Variants in ZNF536 observed in about 807,000 individuals in gnomAD.
ZNF536 encodes zinc finger protein 536.
A neutral mutation model predicts 84.5 loss-of-function variants in ZNF536; 13 were observed. The observed-to-expected ratio is 0.15, with a 90% confidence interval of 0.10 to 0.24. ZNF536 has a LOEUF of 0.24. Among genes scored for constraint, ZNF536 ranks in the 10% least tolerant of loss-of-function variants. ZNF536 has a pLI of 1.00. For synonymous variants in ZNF536, 811 were observed against 742.5 expected (o/e 1.09, Z -1.50); for missense variants, 1,536 against 1,747.5 (o/e 0.88, Z 2.16).
intron 1 of ZNF536, among the ~76,000 whole-genome samples, chr19:30,614,473 A>C (rs1309576604): frequency 7.9e-5 from 12 of 151,914 alleles, no homozygotes; most frequent in Admixed American, 7.9e-4. Context: ...GGGGAGAGAG[A>C]GAGAGAGAGA....
At chr19:30,379,705 A>C (rs1182431240) in intron 1 of ZNF536, among the ~76,000 whole-genome samples, 1 of 151,688 alleles carries the variant, frequency 6.6e-6, no homozygotes, top group African/African-American at 2.4e-5. Flanking sequence ...GGGGTGGTGC[A>C]GGGTGGATGA....
At chr19:30,631,308 C>T (rs1031717515) in intron 1 of ZNF536, among the ~76,000 whole-genome samples, 4 of 152,282 alleles carry the variant, frequency 2.6e-5, no homozygotes, top group Middle Eastern at 3.4e-3. Flanking sequence ...CTCTTTGTGT[C>T]GGGGAGAACA....
intron 1 of ZNF536, among the ~76,000 whole-genome samples, chr19:30,609,316 G>T (rs953497060): frequency 6.6e-6 from 1 of 152,118 alleles, no homozygotes; most frequent in Non-Finnish European, 1.5e-5. Context: ...CCACAAAATA[G>T]CTCTTGTCTA....
Position 30,444,938 on chromosome 19 carries a change from C to A in ZNF536, c.1376C>A (p.Pro459His), listed in dbSNP as rs745542323. Residue 459 changes from proline (P) to histidine (H), a missense_variant, in exon 2 of 5, where the codon CCC becomes CAC. Physicochemically the swap from Pro to His is moderately conservative, Grantham distance 77. This residue lies in a region of ZNF536 where 366 missense variants were observed against 364.4 expected (regional missense o/e 1.00). Coordinates refer to ENST00000355537, the MANE Select transcript of ZNF536 (RefSeq NM_014717.3). ...CAGCTCTATGGCAAGGGCGAGCTGC[C>A]CATGAAGGAGAAGGAAGCGCTGGGG... Reference protein sequence around the residue: ...PSQLYGKGELPMKEKEALGKL... With the variant: ...PSQLYGKGELHMKEKEALGKL... The A allele has an allele frequency of 1.2e-6, 2 of 1,611,666 alleles. No homozygotes were observed. The highest frequency in any genetic ancestry group is 1.7e-6 in the Non-Finnish European group (2 of 1,179,080).
chr19:30,242,325 G>T (rs995090760), intron 1 of ZNF536, among the ~76,000 whole-genome samples: 2 of 152,180 alleles, frequency 1.3e-5, no homozygotes, highest in African/African-American at 2.4e-5. Flanking sequence ...TCACAAGGGA[G>T]TCTGTGATGC....
intron 2 of ZNF536, among the ~76,000 whole-genome samples, chr19:30,490,933 AG>A (rs891430556): frequency 2.0e-5 from 3 of 152,108 alleles, no homozygotes; most frequent in Non-Finnish European, 4.4e-5. Flanking sequence ...AGCTGTCTTT[AG>A]GGGCGTTGAG....
At chr19:30,650,135 T>G (rs186665976) in intron 1 of ZNF536, among the ~76,000 whole-genome samples, 2 of 152,222 alleles carry the variant, frequency 1.3e-5, no homozygotes, top group Admixed American at 1.3e-4. Flanking sequence ...AATTATCTCA[T>G]AGCAAATTAA....
At chr19:30,246,503 C>G (rs1230195699) in intron 1 of ZNF536, among the ~76,000 whole-genome samples, 1 of 152,196 alleles carries the variant, frequency 6.6e-6, no homozygotes, top group Non-Finnish European at 1.5e-5. Flanking sequence ...AAGTAGACTG[C>G]AAGCTTCCTG....
intron 2 of ZNF536, among the ~76,000 whole-genome samples, chr19:30,454,551 T>C (rs1267597760): frequency 6.6e-6 from 1 of 152,250 alleles, no homozygotes; most frequent in Non-Finnish European, 1.5e-5. Flanking sequence ...AAATATGTGT[T>C]TTTATTTTCG....
intron 1 of ZNF536, among the ~76,000 whole-genome samples, chr19:30,432,315 G>T (rs185259687): frequency 6.6e-6 from 1 of 152,118 alleles, no homozygotes; most frequent in Non-Finnish European, 1.5e-5. Context: ...GGACCAGGGG[G>T]CTTGGAGGAC....
chr19:30,692,847 A>G (rs1025799130), intron 1 of ZNF536, among the ~76,000 whole-genome samples: 5 of 152,188 alleles, frequency 3.3e-5, no homozygotes, highest in African/African-American at 1.2e-4. Flanking sequence ...GGCATTGCTA[A>G]ACCTATAAGG....
chr19:30,345,056 A>C (rs1383461435), intron 2 of ZNF536, among the ~76,000 whole-genome samples: 1 of 152,228 alleles, frequency 6.6e-6, no homozygotes, highest in East Asian at 1.9e-4. Context: ...GGTACCAGGC[A>C]TATTATTTTT....
At chr19:30,446,248 C>CAAAAAAAAAAAAAAAA (rs1177505634) in intron 2 of ZNF536, among the ~76,000 whole-genome samples, 21 of 29,166 alleles carry the variant, frequency 7.2e-4, no homozygotes, top group Admixed American at 1.2e-3. Flanking sequence ...GACACTGTCT[C>CAAAAAAAAAAAAAAAA]AAAAAAAAAA....
At chr19:30,617,691 A>G (rs1215044139) in intron 1 of ZNF536, among the ~76,000 whole-genome samples, 1 of 152,022 alleles carries the variant, frequency 6.6e-6, no homozygotes, top group African/African-American at 2.4e-5. Flanking sequence ...CCCTCCTGTT[A>G]TATCTTTAAC....
intron 3 of ZNF536, among the ~76,000 whole-genome samples, chr19:30,361,130 T>C (rs1222170446): frequency 2.0e-5 from 3 of 152,218 alleles, no homozygotes; most frequent in Non-Finnish European, 2.9e-5. Flanking sequence ...TAATATTTGA[T>C]TTCATTTTAA....
chr19:30,415,189 CT>C (rs1298279197), intron 1 of ZNF536, among the ~76,000 whole-genome samples: 2 of 79,232 alleles, frequency 2.5e-5, no homozygotes, highest in Admixed American at 2.6e-4. Context: ...CTCCCTCCCC[CT>C]CCTCCTCTTC....
chr19:30,409,555 C>T (rs192115671), intron 1 of ZNF536, among the ~76,000 whole-genome samples: 2 of 152,184 alleles, frequency 1.3e-5, no homozygotes, highest in African/African-American at 2.4e-5. Context: ...TCTTTGTACA[C>T]GTTCTTAATT....
intron 1 of ZNF536, among the ~76,000 whole-genome samples, chr19:30,272,141 G>A (rs2025888867): frequency 6.6e-6 from 1 of 152,202 alleles, no homozygotes; most frequent in Non-Finnish European, 1.5e-5. Flanking sequence ...TTCAGCTAGG[G>A]AAGAGGGGTT....
At chr19:30,606,741 C>A (rs2047906461) in intron 1 of ZNF536, among the ~76,000 whole-genome samples, 1 of 152,076 alleles carries the variant, frequency 6.6e-6, no homozygotes, top group African/African-American at 2.4e-5. Flanking sequence ...GCTCTGCAGA[C>A]CCATCCTGTG....
Sources: gnomAD v4.1 joint callset for allele counts (sites outside exome capture counted in the v4.1 genomes callset) on GRCh38, gnomAD v4.1.1 for gene constraint, gnomAD v4.1.1 regional missense constraint, MANE v1.5 for transcripts, NCBI Gene and HGNC (gene_info 2026-07-23, HGNC 2026-07-21) for gene names.